ARHGEF11: variants seen among roughly 807,000 people sequenced by gnomAD.
ARHGEF11 encodes the protein Rho guanine exchange factor (GEF) 11.
ARHGEF11 carries 55 observed loss-of-function variants against 193.7 expected under a neutral mutation model. The observed-to-expected ratio is 0.28, with a 90% confidence interval of 0.23 to 0.36. The LOEUF is 0.36. Ranked by LOEUF, ARHGEF11 falls within the 10% of genes least tolerant of loss-of-function variation. The probability of loss-of-function intolerance (pLI) is 1.00; values close to 1 mark genes in which losing one functional copy is unlikely to be tolerated. For synonymous variants in ARHGEF11, 693 were observed against 768.0 expected, an observed-to-expected ratio of 0.90 and a Z score of 1.62; for missense variants, 1,723 against 2,005.6, an observed-to-expected ratio of 0.86 and a Z score of 2.69.
At chr1:156,939,423 C>A in intron 37 of ARHGEF11, 125 bp downstream of exon 37, 1 of 1,363,490 alleles carries the variant, frequency 7.3e-7, no homozygotes, top group Non-Finnish European at 1.0e-6. Context: ...TCTTCCAGGA[C>A]CCAGCGTAGG....
chr1:156,977,201 A>T, intron 6 of ARHGEF11, 147 bp from the exon 7 acceptor site: 1 of 698,740 alleles, frequency 1.4e-6, no homozygotes. Flanking sequence ...GCCGGAATGC[A>T]GTAAACACAA....
At chr1:157,026,041 A>G (rs1297596684) in intron 1 of ARHGEF11, among the ~76,000 whole-genome samples, 1 of 152,234 alleles carries the variant, frequency 6.6e-6, no homozygotes, top group Non-Finnish European at 1.5e-5. Flanking sequence ...CCCTAACTAC[A>G]TTCACCAAAT....
chr1:156,955,638 G>T, intron 20 of ARHGEF11, 65 bp downstream of exon 20: 1 of 1,278,188 alleles, frequency 7.8e-7, no homozygotes, highest in Non-Finnish European at 1.1e-6. Flanking sequence ...CAACATACTG[G>T]TACATGAAAG....
chr1:156,948,638 T>C lies in ARHGEF11; in HGVS notation c.1926-140A>G. The C allele has an allele frequency of 3.8e-6, 6 of 1,568,004 alleles. No homozygotes were observed. The highest frequency in any genetic ancestry group is 5.2e-6 in the Non-Finnish European group (6 of 1,161,310). On this transcript the variant is annotated intron_variant, in intron 22 of 40. Coordinates refer to ENST00000368194, the MANE Select transcript of ARHGEF11 (RefSeq NM_198236.3). This position sits in a 1 kb window ranked among gnomAD's most constrained non-coding sequence, Gnocchi z 4.2. ...TCCTCCTGAACATGGCCAAAGCAGCTGGATGGCAGTGGAAGCTTCTCAATG... is the reference window on the plus strand; with the variant it reads ...TCCTCCTGAACATGGCCAAAGCAGCCGGATGGCAGTGGAAGCTTCTCAATG...
intron 14 of ARHGEF11, 73 bp downstream of exon 14, chr1:156,961,604 T>G (rs1432633698): frequency 7.5e-7 from 1 of 1,325,102 alleles, no homozygotes; most frequent in Non-Finnish European, 1.1e-6. Context: ...CTGGATGTTT[T>G]GCTTAATTTT....
chr1:156,939,833 CG>C lies in ARHGEF11; in HGVS notation c.3810del (p.Glu1271ArgfsTer4). The C allele has an allele frequency of 6.2e-7, 1 of 1,613,084 alleles. No individual in the cohort carries two copies. On this transcript the variant is annotated frameshift_variant, in exon 37 of 41. Coordinates refer to ENST00000368194, the MANE Select transcript of ARHGEF11 (RefSeq NM_198236.3). LOFTEE classifies it high-confidence loss of function. Reference protein sequence around the residue: ...HTMETQAAQEPEDDLTPTPSV... With the variant: ...HTMETQAAQEXEDDLTPTPSV... ...GAAGGTGTGGGTGTCAGGTCGTCCT[CG>C]GGCTCCTGGGCAGCCTGAGTTTCCA...
intron 1 of ARHGEF11, among the ~76,000 whole-genome samples, chr1:157,038,092 G>C (rs12089629): frequency 7.2e-6 from 1 of 139,174 alleles, no homozygotes; most frequent in Non-Finnish European, 1.5e-5. Context: ...CTATCTCTCA[G>C]AACACTGAGA....
At position 156,978,270 on chromosome 1, in the gene ARHGEF11, G is replaced by T; in HGVS notation, c.444C>A (p.Ile148=). The stretch of plus-strand genomic sequence containing the variant: ...GAGGTGGAGGAGGTGGTGGTGAGGG[G>T]ATCACTGACGTGATTCGGGGAGCTC... ...PAGAPRITSV[I]PSPPPPPPLP... Residue 148 remains isoleucine, a synonymous_variant, in exon 6 of 41, where the codon ATC becomes ATA. Transcript: ENST00000368194. The T allele has an allele frequency of 1.2e-6, 2 of 1,614,180 alleles. No homozygotes were observed. The highest frequency in any genetic ancestry group is 1.7e-6 in the Non-Finnish European group (2 of 1,180,022).
Position 157,045,731 on chromosome 1 carries a change from G to A in ARHGEF11, c.-1401C>T, listed in dbSNP as rs1190881389. Among the ~76,000 whole-genome samples, 1 of 150,044 alleles carries A rather than the reference G, an allele frequency of 6.7e-6. No individual in the cohort carries two copies. The highest frequency in any genetic ancestry group is 2.4e-5 in the African/African-American group (1 of 41,342). On this transcript the variant is annotated 5_prime_UTR_variant, in exon 1 of 41. Coordinates refer to ENST00000368194, the MANE Select transcript of ARHGEF11 (RefSeq NM_198236.3). ...GCGGCTGCGGCAGGCCGGCACGAGCGGGCGTCCGACTGCCGGCGTCGCGGC... is the reference window on the plus strand; with the variant it reads ...GCGGCTGCGGCAGGCCGGCACGAGCAGGCGTCCGACTGCCGGCGTCGCGGC...
At chr1:157,020,942 T>C (rs975993860) in intron 1 of ARHGEF11, among the ~76,000 whole-genome samples, 4 of 152,226 alleles carry the variant, frequency 2.6e-5, no homozygotes, top group Admixed American at 2.6e-4. Flanking sequence ...GGTAAATGTC[T>C]GTCCATGTGC....
intron 15 of ARHGEF11, 99 bp from the exon 16 acceptor site, chr1:156,959,241 C>T: frequency 1.0e-6 from 1 of 976,436 alleles, no homozygotes; most frequent in Non-Finnish European, 1.6e-6. Flanking sequence ...CTCCCTATGA[C>T]ACTGGGAGGA....
At chr1:157,003,208 C>T (rs1170235757) in intron 1 of ARHGEF11, among the ~76,000 whole-genome samples, 1 of 152,200 alleles carries the variant, frequency 6.6e-6, no homozygotes, top group African/African-American at 2.4e-5. Flanking sequence ...TGATTTCATG[C>T]ATCCAGCAAG....
chr1:157,019,870 A>G (rs1669746976), intron 1 of ARHGEF11, among the ~76,000 whole-genome samples: 1 of 152,186 alleles, frequency 6.6e-6, no homozygotes, highest in Non-Finnish European at 1.5e-5. Flanking sequence ...GGAGAAAAGA[A>G]GAGAGATGCA....
chr1:156,940,737 G>A (rs562697210), intron 35 of ARHGEF11, among the ~76,000 whole-genome samples: 1 of 152,296 alleles, frequency 6.6e-6, no homozygotes, highest in South Asian at 2.1e-4. Flanking sequence ...ACAGGGCATG[G>A]GGCTAGGGGC....
intron 1 of ARHGEF11, among the ~76,000 whole-genome samples, chr1:156,993,717 G>A (rs1015127990): frequency 3.3e-5 from 5 of 152,148 alleles, no homozygotes; most frequent in South Asian, 2.1e-4. Context: ...TTCTGCCTCC[G>A]GGTAGAATTT....
intron 1 of ARHGEF11, among the ~76,000 whole-genome samples, chr1:157,011,021 T>A (rs1214251372): frequency 1.3e-5 from 2 of 152,172 alleles, no homozygotes; most frequent in African/African-American, 4.8e-5. Flanking sequence ...AAAATTCATA[T>A]GAAAATGAAT....
intron 1 of ARHGEF11, among the ~76,000 whole-genome samples, chr1:157,036,159 GAATA>G (rs1402777859): frequency 3.7e-5 from 5 of 135,714 alleles, no homozygotes; most frequent in East Asian, 2.1e-4. Context: ...ATACATATAT[GAATA>G]TATATATGAA....
chr1:156,960,813 T>C (rs993524090), intron 14 of ARHGEF11, among the ~76,000 whole-genome samples: 1 of 152,188 alleles, frequency 6.6e-6, no homozygotes, highest in Non-Finnish European at 1.5e-5. Context: ...ATTAGGCTAT[T>C]TGGTGGACTT....
intron 29 of ARHGEF11, chr1:156,945,400 T>C (rs1298810530): frequency 2.2e-5 from 13 of 581,128 alleles, no homozygotes; most frequent in Non-Finnish European, 3.9e-5. Context: ...CTCAGACAGA[T>C]CACTGCTTTG....
Sources: allele counts gnomAD v4.1 joint callset (sites outside exome capture counted in the v4.1 genomes callset), GRCh38; gene constraint gnomAD v4.1.1; non-coding constraint Gnocchi (gnomAD v3.1); transcripts MANE v1.5; gene names NCBI Gene and HGNC (gene_info 2026-07-23, HGNC 2026-07-21).